The following TBCD variants were observed in gnomAD, a reference collection of about 807,000 sequenced individuals.
The protein encoded by TBCD is tubulin folding cofactor D, also known as tubulin-specific chaperone D.
TBCD carries 105 observed loss-of-function variants against 169.3 expected under a neutral mutation model. The ratio of observed to expected loss-of-function variants is 0.62; its 90% CI spans 0.53 to 0.73. The LOEUF is 0.73. TBCD is among the 30% of genes least tolerant of loss of function. The pLI, the probability that TBCD is intolerant of heterozygous loss-of-function variation, is 0.00. For synonymous variants in TBCD, 700 were observed against 643.9 expected, an observed-to-expected ratio of 1.09 and a Z score of -1.32; for missense variants, 1,444 against 1,600.1, an observed-to-expected ratio of 0.90 and a Z score of 1.66.
chr17:82,926,725 G>T (rs1001980484), intron 28 of TBCD: 54 of 580,754 alleles, frequency 9.3e-5, no homozygotes, highest in African/African-American at 7.1e-4. Context: ...GAGAATTGGA[G>T]AATGTGTCCT....
chr17:82,863,590 A>G (rs115645011), intron 13 of TBCD, among the ~76,000 whole-genome samples: 3,756 of 152,202 alleles, frequency 0.025, 177 homozygotes, highest in African/African-American at 0.086. Context: ...GTGCTGGTTG[A>G]GGGGTTAGTG....
At position 82,797,962 on chromosome 17, in the gene TBCD, C is replaced by CTTTTTTTTTTTTTTTTTT. The variant is rs60671571; in HGVS notation, c.817+175_817+192dup. On this transcript the variant is annotated intron_variant, in intron 8 of 38. Transcript: ENST00000355528. ...TTTGTTGTGGGTTTTAGTAACTGAA[C>CTTTTTTTTTTTTTTTTTT]TTTTTTTTTTTTTTTTTTTTTTTTT... 8.2e-5 allele frequency among the ~76,000 whole-genome samples: 4 copies of CTTTTTTTTTTTTTTTTTT among 49,018 alleles called. 2 individuals are homozygous for CTTTTTTTTTTTTTTTTTT. Among genetic ancestry groups the CTTTTTTTTTTTTTTTTTT allele is most frequent in the Non-Finnish European group, 7.3e-5 (2 of 27,258 alleles). 32.2% of individuals were successfully genotyped at this position (49,018 alleles called of 152,430 possible).
chr17:82,823,092 G>A (rs2052544666), intron 13 of TBCD, among the ~76,000 whole-genome samples: 1 of 152,254 alleles, frequency 6.6e-6, no homozygotes, highest in African/African-American at 2.4e-5. Context: ...GCACTGAGGT[G>A]GATGGTAAAT....
Position 82,880,401 on chromosome 17 carries a change from T to C in TBCD, c.1476-3744T>C, listed in dbSNP as rs1032786003. Reference sequence around the variant, plus strand: ...AGGGTCAACTGATTGCCAACCTTAATTCCCCTTTGTCAGGTAAAGGAACAT... The same window carrying C: ...AGGGTCAACTGATTGCCAACCTTAACTCCCCTTTGTCAGGTAAAGGAACAT... On this transcript the variant is annotated intron_variant, in intron 14 of 38. Transcript: ENST00000355528. The surrounding 1 kb of genome is among the most constrained non-coding windows in gnomAD (Gnocchi z 5.0). Among the ~76,000 whole-genome samples, 2 of 152,208 alleles carry C rather than the reference T, an allele frequency of 1.3e-5. No individual in the cohort carries two copies. Among genetic ancestry groups the C allele is most frequent in the African/African-American group, 4.8e-5 (2 of 41,460 alleles).
At chr17:82,933,115 C>T (rs542618821) in intron 34 of TBCD, among the ~76,000 whole-genome samples, 32 of 152,202 alleles carry the variant, frequency 2.1e-4, no homozygotes, top group East Asian at 1.9e-4. Flanking sequence ...GGGCAGAGGC[C>T]GGTGACCTGG....
intron 7 of TBCD, among the ~76,000 whole-genome samples, chr17:82,797,347 G>A (rs1215432244): frequency 1.3e-5 from 2 of 152,210 alleles, no homozygotes; most frequent in African/African-American, 4.8e-5. Context: ...AGGCCTTTGT[G>A]TGAGGTGGTT....
In TBCD at chr17:82,763,840, A is replaced by G. The variant is rs185247018; in HGVS notation, c.236-125A>G. 9 of 753,920 alleles carry G rather than the reference A, an allele frequency of 1.2e-5. No individual in the cohort carries two copies. The South Asian group carries it at 1.4e-4, about 12-fold the overall frequency. 46.7% of individuals were successfully genotyped at this position (753,920 alleles called of 1,614,324 possible). A position where few individuals can be genotyped will look rare whatever the true frequency, so the allele number is the denominator to read the frequency against. On this transcript the variant is annotated intron_variant, in intron 2 of 38. Coordinates refer to ENST00000355528, the MANE Select transcript of TBCD (RefSeq NM_005993.5). ...TTGCCGCCTTGAAATTCTGGCTTCAAATGATCCTCCCACCTTGGTCTCCCA... is the reference window on the plus strand; with the variant it reads ...TTGCCGCCTTGAAATTCTGGCTTCAGATGATCCTCCCACCTTGGTCTCCCA...
At chr17:82,939,048 T>C (rs534070891) in intron 36 of TBCD, 2 of 385,580 alleles carry the variant, frequency 5.2e-6, no homozygotes, top group African/African-American at 4.4e-5. Flanking sequence ...GGGAGCAGGT[T>C]AGTTAATAGA....
chr17:82,753,868 G>GTTTT (rs57196730), intron 1 of TBCD, among the ~76,000 whole-genome samples: 3 of 125,328 alleles, frequency 2.4e-5, no homozygotes, highest in African/African-American at 6.2e-5. Context: ...TAGACTAGAG[G>GTTTT]TTTTTTTTTT....
intron 23 of TBCD, among the ~76,000 whole-genome samples, chr17:82,914,340 C>T (rs574420911): frequency 1.7e-4 from 26 of 152,200 alleles, no homozygotes; most frequent in Non-Finnish European, 3.7e-4. Flanking sequence ...CTTTCCCACC[C>T]TGCCCTCTGC....
intron 6 of TBCD, among the ~76,000 whole-genome samples, chr17:82,777,798 C>T (rs34476523): frequency 0.067 from 10,175 of 151,972 alleles, 794 homozygotes; most frequent in African/African-American, 0.19. Flanking sequence ...TGATGTCAGG[C>T]CCTCCACAGG....
Position 82,929,264 on chromosome 17 carries a change from T to G in TBCD, c.2845T>G (p.Phe949Val). The G allele has an allele frequency of 1.9e-6, 3 of 1,613,764 alleles. No homozygotes were observed. The highest frequency in any genetic ancestry group is 2.5e-6 in the Non-Finnish European group (3 of 1,179,752). The part of the protein sequence containing the change: ...VPHRGELEKL[F>V]PRSDVASVNW... ...CCACCGAGGAGAACTGGAAAAGCTG[T>G]TTCCCAGGTACTGTCGGGGTGTAGG... The change falls in exon 31 of 39, where the codon TTT becomes GTT. Residue 949 changes from phenylalanine to valine, a missense_variant. Coordinates refer to ENST00000355528, the MANE Select transcript of TBCD (RefSeq NM_005993.5).
At chr17:82,919,659 C>T (rs1046846410) in intron 23 of TBCD, among the ~76,000 whole-genome samples, 1 of 152,090 alleles carries the variant, frequency 6.6e-6, no homozygotes, top group South Asian at 2.1e-4. Flanking sequence ...GGACCGTTTT[C>T]CTCTTTCCAG....
At chr17:82,828,452 A>G (rs1415164161) in intron 13 of TBCD, among the ~76,000 whole-genome samples, 7 of 149,748 alleles carry the variant, frequency 4.7e-5, no homozygotes, top group Admixed American at 4.7e-4. Context: ...ACACGATTGA[A>G]TATGCATACA....
chr17:82,933,300 G>C (rs1273699116), intron 34 of TBCD, among the ~76,000 whole-genome samples: 1 of 129,626 alleles, frequency 7.7e-6, no homozygotes, highest in East Asian at 2.5e-4. Flanking sequence ...TTTGAGACAG[G>C]GTCTAGCTCT....
At chr17:82,829,033 G>A (rs1398719283) in intron 13 of TBCD, among the ~76,000 whole-genome samples, 2 of 129,766 alleles carry the variant, frequency 1.5e-5, no homozygotes, top group Non-Finnish European at 3.2e-5. Flanking sequence ...ATGCACACAC[G>A]CACACCCACA....
chr17:82,855,689 C>T (rs2056214459), intron 13 of TBCD, among the ~76,000 whole-genome samples: 2 of 152,330 alleles, frequency 1.3e-5, no homozygotes, highest in South Asian at 4.1e-4. Flanking sequence ...GCATTTAGTA[C>T]ATACCCAATG....
intron 13 of TBCD, among the ~76,000 whole-genome samples, chr17:82,860,721 G>C (rs1277191227): frequency 6.6e-6 from 1 of 152,184 alleles, no homozygotes; most frequent in African/African-American, 2.4e-5. Context: ...GGTCTCCCTG[G>C]ACGGGGTTCG....
chr17:82,896,340 T>C (rs2059475740), intron 17 of TBCD, among the ~76,000 whole-genome samples: 1 of 152,152 alleles, frequency 6.6e-6, no homozygotes, highest in African/African-American at 2.4e-5. Flanking sequence ...GGCAGTGTCT[T>C]GTCTGGGTTG....
Sources: allele counts gnomAD v4.1 joint callset (sites outside exome capture counted in the v4.1 genomes callset), GRCh38; gene constraint gnomAD v4.1.1; non-coding constraint Gnocchi (gnomAD v3.1); transcripts MANE v1.5; gene names NCBI Gene and HGNC (gene_info 2026-07-23, HGNC 2026-07-21).